SOX6: variants seen among roughly 807,000 people sequenced by gnomAD.
The protein encoded by SOX6 is transcription factor SOX-6.
A neutral mutation model predicts 97.8 loss-of-function variants in SOX6; 11 were observed. That is an observed-to-expected ratio of 0.11 (90% CI 0.07 to 0.19). The LOEUF (loss-of-function observed/expected upper bound fraction) is 0.19. SOX6 is among the 10% of genes least tolerant of loss of function. SOX6 has a pLI of 1.00. For missense variants in SOX6, 810 were observed against 1,039.5 expected (o/e 0.78, Z 3.04); for synonymous variants, 360 against 371.4 (o/e 0.97, Z 0.35).
chr11:16,421,895 T>C (rs777216525), intron 1 of SOX6, among the ~76,000 whole-genome samples: 1 of 152,222 alleles, frequency 6.6e-6, no homozygotes, highest in Non-Finnish European at 1.5e-5. Context: ...GCATTAAATA[T>C]GCTTCATTAA....
intron 1 of SOX6, among the ~76,000 whole-genome samples, chr11:16,395,615 T>G (rs570076945): frequency 6.6e-6 from 1 of 151,736 alleles, no homozygotes; most frequent in Non-Finnish European, 1.5e-5. Flanking sequence ...GGGGCCAGGG[T>G]CTTTTATGCT....
intron 1 of SOX6, among the ~76,000 whole-genome samples, chr11:16,383,922 T>G (rs1213374389): frequency 4.6e-5 from 7 of 151,566 alleles, no homozygotes; most frequent in Non-Finnish European, 2.9e-5. Context: ...AAACCAAAAA[T>G]GCAGACACAA....
intron 1 of SOX6, among the ~76,000 whole-genome samples, chr11:16,367,787 G>C (rs1172381451): frequency 2.0e-5 from 3 of 152,056 alleles, no homozygotes; most frequent in African/African-American, 7.2e-5. Flanking sequence ...AGCATAAAGA[G>C]AAACTGTTAT....
At chr11:16,737,178 G>C (rs1218096873) in intron 1 of SOX6, among the ~76,000 whole-genome samples, 1 of 152,138 alleles carries the variant, frequency 6.6e-6, no homozygotes, top group African/African-American at 2.4e-5. Flanking sequence ...TGAAACAGCA[G>C]ATATGTATTA....
In SOX6 at chr11:16,047,295, TA is replaced by T. The variant is rs374612821; in HGVS notation, c.1436-595del. Among the ~76,000 whole-genome samples the T allele has an allele frequency of 1.0e-3, 154 of 152,240 alleles. 1 individual carries two copies. The East Asian group carries it at 0.018, about 18-fold the overall frequency. On this transcript the variant is annotated intron_variant, in intron 11 of 15. Transcript: ENST00000683767. Reference sequence around the variant, plus strand: ...TCCAGTACCCCAGTTGCTGGCTGGTTAATGAAGCATTCTTCTCATCAAGCTG... The same window carrying T: ...TCCAGTACCCCAGTTGCTGGCTGGTTATGAAGCATTCTTCTCATCAAGCTG...
intron 1 of SOX6, chr11:16,408,693 C>T (rs958473213): frequency 4.6e-5 from 7 of 152,058 alleles, no homozygotes; most frequent in Admixed American, 1.3e-4. Context: ...TGAAGCCACA[C>T]CTACCTCCGC....
intron 4 of SOX6, among the ~76,000 whole-genome samples, chr11:16,542,063 A>G (rs1331428275): frequency 1.3e-5 from 2 of 152,050 alleles, no homozygotes; most frequent in African/African-American, 2.4e-5. Flanking sequence ...TGGAACCAAC[A>G]CAAATGTCCA....
At chr11:16,513,835 A>G (rs1028829588) in intron 4 of SOX6, among the ~76,000 whole-genome samples, 6 of 152,196 alleles carry the variant, frequency 3.9e-5, no homozygotes, top group Non-Finnish European at 7.3e-5. Flanking sequence ...TTCCACAAAT[A>G]AAAAAGATGA....
At chr11:16,345,863 A>G (rs1856764245) in intron 1 of SOX6, among the ~76,000 whole-genome samples, 1 of 152,038 alleles carries the variant, frequency 6.6e-6, no homozygotes, top group Non-Finnish European at 1.5e-5. Flanking sequence ...ATAGCTTGAA[A>G]AGTATCCATC....
chr11:16,076,846 C>T (rs1027097460), intron 9 of SOX6, among the ~76,000 whole-genome samples: 2 of 149,756 alleles, frequency 1.3e-5, no homozygotes, highest in Non-Finnish European at 3.0e-5. Flanking sequence ...CTCCGCTTCC[C>T]GGGTTCACGC....
At chr11:16,217,988 T>TA (rs1852422698) in intron 4 of SOX6, among the ~76,000 whole-genome samples, 2 of 152,164 alleles carry the variant, frequency 1.3e-5, no homozygotes, top group African/African-American at 4.8e-5. Flanking sequence ...AGTAGGGGGT[T>TA]AGCGGGTGTT....
chr11:16,216,390 G>C (rs534684338), intron 4 of SOX6, among the ~76,000 whole-genome samples: 1 of 152,250 alleles, frequency 6.6e-6, no homozygotes, highest in East Asian at 1.9e-4. Flanking sequence ...TTCTCGAAAA[G>C]AAGGATGGAT....
rs1853238601 is a variant in SOX6, at chr11:15,969,359, T to C, written c.*3450A>G. The C allele has an allele frequency of 1.3e-5, 2 of 152,170 alleles. No homozygotes were observed. Among genetic ancestry groups the C allele is most frequent in the African/African-American group, 4.8e-5 (2 of 41,448 alleles). 9.4% of individuals were successfully genotyped at this position (152,170 alleles called of 1,614,324 possible). A position where few individuals can be genotyped will look rare whatever the true frequency, so the allele number is the denominator to read the frequency against. On this transcript the variant is annotated 3_prime_UTR_variant, in exon 16 of 16. Transcript: ENST00000683767. The stretch of plus-strand genomic sequence containing the variant: ...CTATTAAATGGTCACAGAACTATCT[T>C]AGAAGATTTATGTAGACTCCCAAAG...
At chr11:16,689,264 C>T (rs575291467) in intron 3 of SOX6, among the ~76,000 whole-genome samples, 5 of 152,214 alleles carry the variant, frequency 3.3e-5, no homozygotes, top group Admixed American at 1.3e-4. Flanking sequence ...TTTAAAATAG[C>T]TCTTTCCTGA....
intron 6 of SOX6, among the ~76,000 whole-genome samples, chr11:16,150,959 T>G (rs1850443651): frequency 6.6e-6 from 1 of 152,186 alleles, no homozygotes; most frequent in African/African-American, 2.4e-5. Context: ...GGGTCACTGC[T>G]TCTTTTATTG....
chr11:16,151,276 G>T (rs1850451353), intron 6 of SOX6, among the ~76,000 whole-genome samples: 1 of 152,066 alleles, frequency 6.6e-6, no homozygotes, highest in Non-Finnish European at 1.5e-5. Flanking sequence ...ATGAAAATTT[G>T]CCTCTCAGAG....
intron 3 of SOX6, among the ~76,000 whole-genome samples, chr11:16,628,198 C>T (rs1026162498): frequency 5.9e-5 from 9 of 152,044 alleles, no homozygotes; most frequent in African/African-American, 1.9e-4. Flanking sequence ...TTACTGTAGC[C>T]TTATAGTATG....
chr11:16,397,403 T>C (rs1858392931), intron 1 of SOX6: 1 of 151,970 alleles, frequency 6.6e-6, no homozygotes, highest in African/African-American at 2.4e-5. Flanking sequence ...ATCAACATTC[T>C]AATCATTTTA....
In SOX6 at chr11:16,641,392, G is replaced by A. The variant is rs149584357; in HGVS notation, n.430-29132C>T. On this transcript the variant is annotated intron_variant and non_coding_transcript_variant, in intron 3 of 5. Coordinates refer to the SOX6 transcript ENST00000524520. ...GAGAAGAATGTATATGTTGATTTGG[G>A]GTGGAGAGTTCTGTAGATGTCTATT... is the stretch of plus-strand genomic sequence containing the variant. 7.1e-3 allele frequency among the ~76,000 whole-genome samples: 1,083 copies of A among 152,248 alleles called. 15 individuals carry two copies. Among genetic ancestry groups the A allele is most frequent in the African/African-American group, 0.024 (977 of 41,542 alleles).
Sources: allele counts gnomAD v4.1 joint callset (sites outside exome capture counted in the v4.1 genomes callset), GRCh38; gene constraint gnomAD v4.1.1; transcripts MANE v1.5; gene names NCBI Gene and HGNC (gene_info 2026-07-23, HGNC 2026-07-21).